The following RABGAP1L variants were observed in gnomAD, a reference collection of about 807,000 sequenced individuals.
RABGAP1L encodes rab GTPase-activating protein 1-like.
In RABGAP1L, 63 loss-of-function variants were observed where a neutral mutation model predicts 137.7. The observed-to-expected ratio is 0.46, with a 90% CI of 0.37 to 0.56. The LOEUF is 0.56. Among genes scored for constraint, RABGAP1L ranks in the 20% least tolerant of loss-of-function variants. The pLI is 0.00. For synonymous variants in RABGAP1L, 431 were observed against 433.7 expected (o/e 0.99, Z 0.08); for missense variants, 1,095 against 1,244.0 (o/e 0.88, Z 1.80).
intron 13 of RABGAP1L, among the ~76,000 whole-genome samples, chr1:174,430,904 G>A (rs1278108618): frequency 6.6e-6 from 1 of 152,176 alleles, no homozygotes; most frequent in Non-Finnish European, 1.5e-5. Flanking sequence ...CTGAGTCATA[G>A]ATGTTGCATT....
At chr1:174,756,815 A>G (rs1684805262) in intron 18 of RABGAP1L, 1 of 555,486 alleles carries the variant, frequency 1.8e-6, no homozygotes, top group Non-Finnish European at 3.4e-6. Context: ...CAAACTCCGG[A>G]TGAGGGCTGG....
At chr1:174,196,194 C>CT (rs905561040) in intron 1 of RABGAP1L, among the ~76,000 whole-genome samples, 1 of 149,282 alleles carries the variant, frequency 6.7e-6, no homozygotes, top group Non-Finnish European at 1.5e-5. Context: ...CCATATTTTT[C>CT]TTTCCTCAGC....
chr1:174,523,249 C>T (rs865811920), intron 13 of RABGAP1L, among the ~76,000 whole-genome samples: 74 of 152,278 alleles, frequency 4.9e-4, no homozygotes, highest in African/African-American at 1.4e-3. Flanking sequence ...AAGCCCTGTC[C>T]GTTCTACTGG....
At chr1:174,842,727 A>G (rs1390310199) in intron 19 of RABGAP1L, among the ~76,000 whole-genome samples, 1 of 152,168 alleles carries the variant, frequency 6.6e-6, no homozygotes, top group Non-Finnish European at 1.5e-5. Flanking sequence ...AAATGGATGA[A>G]GCAGCAGTTT....
At chr1:174,590,123 CTTTTTTTTTTTT>C (rs1166364912) in intron 13 of RABGAP1L, among the ~76,000 whole-genome samples, 68 of 59,802 alleles carry the variant, frequency 1.1e-3, no homozygotes, top group African/African-American at 3.6e-3. Context: ...TCTTCAGTTT[CTTTTTTTTTTTT>C]TTTTTTTTTT....
At chr1:174,343,536 G>A (rs1484516335) in intron 11 of RABGAP1L, among the ~76,000 whole-genome samples, 1 of 152,110 alleles carries the variant, frequency 6.6e-6, no homozygotes, top group Non-Finnish European at 1.5e-5. Context: ...GGCTTAGCAA[G>A]TTTTAAATAT....
chr1:174,825,709 C>T (rs569492689), intron 19 of RABGAP1L, among the ~76,000 whole-genome samples: 1 of 152,186 alleles, frequency 6.6e-6, no homozygotes, highest in East Asian at 1.9e-4. Context: ...ATGGCAAAAC[C>T]CCATCTCTAC....
chr1:174,419,073 T>A (rs1650949700), intron 13 of RABGAP1L, among the ~76,000 whole-genome samples: 1 of 152,134 alleles, frequency 6.6e-6, no homozygotes, highest in South Asian at 2.1e-4. Context: ...CAATATAAGG[T>A]ACCAATTCCA....
intron 19 of RABGAP1L, among the ~76,000 whole-genome samples, chr1:174,853,156 G>A (rs1303300416): frequency 6.6e-6 from 1 of 150,718 alleles, no homozygotes; most frequent in African/African-American, 2.4e-5. Flanking sequence ...ACTGATTGGT[G>A]TCTCAATTAT....
intron 17 of RABGAP1L, among the ~76,000 whole-genome samples, chr1:174,749,024 A>G (rs1394782125): frequency 6.6e-6 from 1 of 151,836 alleles, no homozygotes; most frequent in East Asian, 1.9e-4. Context: ...TAAAAATACA[A>G]AAGTTAGCCA....
rs577119458 is a variant in RABGAP1L at position 174,694,863 on chromosome 1, T to G, written c.1900-4662T>G. 8.9e-3 allele frequency among the ~76,000 whole-genome samples: 1,351 copies of G among 151,650 alleles called. 18 individuals carry two copies. Among genetic ancestry groups the G allele is most frequent in the African/African-American group, 0.031 (1,296 of 41,452 alleles). Reference sequence around the variant, plus strand: ...TCTCCACATCCTCTCCAGCACCTGTTGTTTCCTGACTTTTTAATGATTGCC... The same window carrying G: ...TCTCCACATCCTCTCCAGCACCTGTGGTTTCCTGACTTTTTAATGATTGCC... On this transcript the variant is annotated intron_variant, in intron 15 of 25. Transcript: ENST00000681986.
chr1:174,597,307 A>G (rs569707939), intron 13 of RABGAP1L, among the ~76,000 whole-genome samples: 1 of 152,254 alleles, frequency 6.6e-6, no homozygotes, highest in South Asian at 2.1e-4. Flanking sequence ...AGTTCTTCAA[A>G]TGTTTTGTAA....
intron 12 of RABGAP1L, among the ~76,000 whole-genome samples, chr1:174,390,577 A>C (rs536513288): frequency 2.6e-5 from 4 of 152,196 alleles, no homozygotes; most frequent in Admixed American, 1.3e-4. Context: ...TGTTACTTTC[A>C]TTCTGCCTAC....
At chr1:174,214,639 A>T (rs1294768303) in intron 1 of RABGAP1L, among the ~76,000 whole-genome samples, 1 of 152,198 alleles carries the variant, frequency 6.6e-6, no homozygotes, top group Non-Finnish European at 1.5e-5. Context: ...AGCAAGAAAC[A>T]CATAGACCAG....
chr1:174,822,265 C>T (rs115281064), intron 19 of RABGAP1L, among the ~76,000 whole-genome samples: 465 of 152,218 alleles, frequency 3.1e-3, no homozygotes, highest in Non-Finnish European at 5.4e-3. Context: ...GTGTCTCAAA[C>T]AAACAAAAAA....
rs908134997 is a variant in RABGAP1L, at chr1:174,159,613, C to G, written c.-78C>G. The G allele has an allele frequency of 6.6e-6, 1 of 152,424 alleles. No homozygotes were observed. Among genetic ancestry groups the G allele is most frequent in the Admixed American group, 6.5e-5 (1 of 15,290 alleles). 9.4% of individuals were successfully genotyped at this position (152,424 alleles called of 1,614,324 possible). Reference sequence around the variant, plus strand: ...GAGGTGGAGGGTGGAACGCGGGCGCCTGAAGGAGTTGTTGTCTCGGCAGCG... The same window carrying G: ...GAGGTGGAGGGTGGAACGCGGGCGCGTGAAGGAGTTGTTGTCTCGGCAGCG... On this transcript the variant is annotated 5_prime_UTR_variant, in exon 1 of 26. Coordinates refer to ENST00000681986, the MANE Select transcript of RABGAP1L (RefSeq NM_001366446.1).
chr1:174,270,592 A>G (rs1337329189), intron 7 of RABGAP1L, among the ~76,000 whole-genome samples: 1 of 152,010 alleles, frequency 6.6e-6, no homozygotes, highest in African/African-American at 2.4e-5. Flanking sequence ...CCTTATGCCT[A>G]TAAAAATAAA....
chr1:174,860,631 C>G (rs1382232612), intron 19 of RABGAP1L, among the ~76,000 whole-genome samples: 3 of 151,952 alleles, frequency 2.0e-5, no homozygotes, highest in Non-Finnish European at 2.9e-5. Context: ...TGCCTATTTC[C>G]TTTTTAATGG....
chr1:174,752,275 G>A (rs192730007), intron 17 of RABGAP1L, 38 bp from the exon 18 acceptor site: 8 of 1,434,684 alleles, frequency 5.6e-6, no homozygotes, highest in Middle Eastern at 1.8e-4. Context: ...AGTGATACAT[G>A]TGGCAGTACT....
Sources: allele counts gnomAD v4.1 joint callset (sites outside exome capture counted in the v4.1 genomes callset), GRCh38; gene constraint gnomAD v4.1.1; transcripts MANE v1.5; gene names NCBI Gene and HGNC (gene_info 2026-07-23, HGNC 2026-07-21).